The following BLTP3A variants were observed in gnomAD, a reference collection of about 807,000 sequenced individuals.
The protein encoded by BLTP3A is bridge-like lipid transfer protein family member 3A, also known as ICBP90 binding protein 1.
the BLTP3A span, chr6:34,792,385 G>C: frequency 0.35 from 454,176 of 1,304,818 alleles, 85,038 homozygotes; most frequent in African/African-American, 0.68. Context: ...GGCCCAGTCT[G>C]CCTCTCTCCA....
chr6:34,835,439 A>C, the BLTP3A span: 1 of 1,614,182 alleles, frequency 6.2e-7, no homozygotes, highest in Non-Finnish European at 8.5e-7. Flanking sequence ...CATCAAAGAA[A>C]GAGCCTGGCC....
At chr6:34,805,052 G>A in the BLTP3A span, among the ~76,000 whole-genome samples, 2 of 152,088 alleles carry the variant, frequency 1.3e-5, no homozygotes, top group Non-Finnish European at 2.9e-5. Context: ...CTAGCACTTT[G>A]GGAGCCCAAG....
the BLTP3A span, among the ~76,000 whole-genome samples, chr6:34,819,972 G>GTTGGGT: frequency 1.3e-5 from 2 of 152,292 alleles, no homozygotes; most frequent in Admixed American, 6.5e-5. Context: ...GGACCCAGTG[G>GTTGGGT]CTTGATGAGA....
At chr6:34,868,722 TA>T in the BLTP3A span, among the ~76,000 whole-genome samples, 4,164 of 133,338 alleles carry the variant, frequency 0.031, 76 homozygotes, top group African/African-American at 0.064. Context: ...AGACTCTGTT[TA>T]AAAAAAAAAA....
chr6:34,817,644 C>T, the BLTP3A span, among the ~76,000 whole-genome samples: 1,118 of 152,228 alleles, frequency 7.3e-3, 21 homozygotes, highest in African/African-American at 0.026. Context: ...AGATGGATGC[C>T]TGCATATGTG....
the BLTP3A span, among the ~76,000 whole-genome samples, chr6:34,826,510 C>T: frequency 6.6e-6 from 1 of 151,984 alleles, no homozygotes; most frequent in East Asian, 1.9e-4. Flanking sequence ...AGGCATGTGC[C>T]ACTGCACCCA....
At chr6:34,850,150 A>G in the BLTP3A span, among the ~76,000 whole-genome samples, 3 of 152,130 alleles carry the variant, frequency 2.0e-5, no homozygotes, top group African/African-American at 7.2e-5. Flanking sequence ...TCTCAAAAAA[A>G]AAAAAAAAGT....
the BLTP3A span, among the ~76,000 whole-genome samples, chr6:34,799,709 G>A: frequency 1.3e-5 from 2 of 152,156 alleles, 1 homozygote; most frequent in South Asian, 4.1e-4. Flanking sequence ...CATTCAGCAA[G>A]TTTTTTAGCT....
At chr6:34,865,573 G>T in the BLTP3A span, among the ~76,000 whole-genome samples, 3 of 152,156 alleles carry the variant, frequency 2.0e-5, no homozygotes, top group Non-Finnish European at 4.4e-5. Context: ...AGTGGATATG[G>T]TAACTCTATT....
the BLTP3A span, among the ~76,000 whole-genome samples, chr6:34,866,359 C>T: frequency 1.2e-4 from 18 of 151,756 alleles, no homozygotes; most frequent in African/African-American, 3.6e-4. Flanking sequence ...GCCGAGATCA[C>T]GCCATTGCAC....
chr6:34,877,222 C>T, the BLTP3A span: 3 of 152,762 alleles, frequency 2.0e-5, no homozygotes, highest in East Asian at 5.8e-4. Context: ...AAGACATGCT[C>T]AGGAAAGCTT....
the BLTP3A span, among the ~76,000 whole-genome samples, chr6:34,815,804 C>T: frequency 2.6e-5 from 4 of 151,472 alleles, no homozygotes; most frequent in Non-Finnish European, 5.9e-5. Context: ...CACCATGGCC[C>T]GGCTAATTTT....
the BLTP3A span, chr6:34,859,625 T>C: frequency 6.3e-7 from 1 of 1,592,748 alleles, no homozygotes; most frequent in Non-Finnish European, 8.6e-7. Context: ...CTAGTTCTGA[T>C]CATTGGGTTT....
chr6:34,811,748 A>G, the BLTP3A span, among the ~76,000 whole-genome samples: 1 of 146,930 alleles, frequency 6.8e-6, no homozygotes, highest in African/African-American at 2.5e-5. Flanking sequence ...AATCCTGCCC[A>G]CTCGGGAGGC....
chr6:34,821,422 TG>T, the BLTP3A span: 3 of 337,422 alleles, frequency 8.9e-6, no homozygotes, highest in South Asian at 1.9e-4. Context: ...GTAGAGATGG[TG>T]TGGTCTGAGT....
chr6:34,816,604 C>A, the BLTP3A span, among the ~76,000 whole-genome samples: 3 of 152,052 alleles, frequency 2.0e-5, no homozygotes, highest in African/African-American at 7.2e-5. Context: ...TAGAGTGAGA[C>A]TGTCTCAAAA....
At chr6:34,816,994 T>G in the BLTP3A span, among the ~76,000 whole-genome samples, 1 of 152,204 alleles carries the variant, frequency 6.6e-6, no homozygotes, top group Non-Finnish European at 1.5e-5. Flanking sequence ...AATATTTTAT[T>G]TAAATACATA....
At chr6:34,797,119 A>T in the BLTP3A span, among the ~76,000 whole-genome samples, 1 of 152,194 alleles carries the variant, frequency 6.6e-6, no homozygotes, top group Admixed American at 6.6e-5. Context: ...ATATAAATAG[A>T]TGTTTAATAA....
chr6:34,835,202 A>G, the BLTP3A span: 3 of 1,404,256 alleles, frequency 2.1e-6, no homozygotes, highest in Non-Finnish European at 2.9e-6. Flanking sequence ...TGGAGATTGA[A>G]AAGCCGCTTC....
Sources: gnomAD v4.1 joint callset for allele counts (sites outside exome capture counted in the v4.1 genomes callset) on GRCh38, gnomAD v4.1.1 for gene constraint, MANE v1.5 for transcripts, NCBI Gene and HGNC (gene_info 2026-07-23, HGNC 2026-07-21) for gene names.